Variants in UBR1 observed in about 807,000 individuals in gnomAD.
UBR1 encodes the protein ubiquitin protein ligase E3 component n-recognin 1.
Under a neutral mutation model 242.1 loss-of-function variants are expected in UBR1, and 102 were observed. That is an observed-to-expected ratio of 0.42 (90% CI 0.36 to 0.50). UBR1 has a LOEUF of 0.50. Among genes scored for constraint, UBR1 ranks in the 20% least tolerant of loss-of-function variants. The pLI, the probability that UBR1 is intolerant of heterozygous loss-of-function variation, is 0.01. For missense variants in UBR1, 1,772 were observed against 2,101.8 expected (o/e 0.84, Z 3.07); for synonymous variants, 675 against 684.8 (o/e 0.99, Z 0.22).
At chr15:43,071,399 C>G (rs1348490526) in intron 4 of UBR1, among the ~76,000 whole-genome samples, 1 of 152,128 alleles carries the variant, frequency 6.6e-6, no homozygotes, top group African/African-American at 2.4e-5. Flanking sequence ...TACGAAGTAT[C>G]TAAAGTAGTC....
intron 12 of UBR1, among the ~76,000 whole-genome samples, chr15:43,053,281 T>C (rs2033577679): frequency 6.6e-6 from 1 of 152,152 alleles, no homozygotes; most frequent in African/African-American, 2.4e-5. Flanking sequence ...ACCGTAGAGA[T>C]TAGCTATAGT....
chr15:42,986,457 G>T (rs553367158), intron 35 of UBR1, among the ~76,000 whole-genome samples: 1 of 152,170 alleles, frequency 6.6e-6, no homozygotes, highest in African/African-American at 2.4e-5. Context: ...AATGTTCAAG[G>T]TCTAAATATA....
intron 1 of UBR1, among the ~76,000 whole-genome samples, chr15:43,103,332 C>T (rs972338575): frequency 2.6e-5 from 4 of 152,160 alleles, no homozygotes; most frequent in Non-Finnish European, 5.9e-5. Flanking sequence ...CCACTGCACT[C>T]CAACCTGGGT....
At position 43,028,970 on chromosome 15, in the gene UBR1, A is replaced by G. The variant is rs2033215543; in HGVS notation, c.2379+974T>C. 2.6e-5 allele frequency among the ~76,000 whole-genome samples: 4 copies of G among 152,052 alleles called. No individual in the cohort carries two copies. In the South Asian group the frequency reaches 8.3e-4, roughly 32 times the overall value. On this transcript the variant is annotated intron_variant, in intron 21 of 46. Coordinates refer to ENST00000290650, the MANE Select transcript of UBR1 (RefSeq NM_174916.3). Reference sequence around the variant, plus strand: ...TGTGGTGGCGTGCACCTGTAATCCCAGCTACTCGGGAGGCTGAGGAAAGAG... The same window carrying G: ...TGTGGTGGCGTGCACCTGTAATCCCGGCTACTCGGGAGGCTGAGGAAAGAG...
In UBR1 at chr15:43,043,207, A is replaced by T; in HGVS notation, c.1849+8T>A. On this transcript the variant is annotated splice_region_variant and intron_variant, in intron 15 of 46. Coordinates refer to ENST00000290650, the MANE Select transcript of UBR1 (RefSeq NM_174916.3). The stretch of plus-strand genomic sequence containing the variant: ...AGGTATATGCAAAAAGAAAAAACAA[A>T]CACTCACCAGCAAGGGTCCTAGAGA... 3 of 1,614,064 alleles carry T rather than the reference A, an allele frequency of 1.9e-6. No homozygotes were observed. Among genetic ancestry groups the T allele is most frequent in the Non-Finnish European group, 2.5e-6 (3 of 1,179,978 alleles).
In UBR1 at chr15:43,100,513, A is replaced by C. The variant is rs1206624316; in HGVS notation, c.81+5429T>G. 2.6e-5 allele frequency among the ~76,000 whole-genome samples: 4 copies of C among 152,178 alleles called. No individual in the cohort carries two copies. The East Asian group carries it at 7.7e-4, about 29-fold the overall frequency. Reference sequence around the variant, plus strand: ...GTTATTCATTCATTTAAAAATATTTAAGTGTCTTCTGTATCAATCACATAC... The same window carrying C: ...GTTATTCATTCATTTAAAAATATTTCAGTGTCTTCTGTATCAATCACATAC... On this transcript the variant is annotated intron_variant, in intron 1 of 46. Coordinates refer to ENST00000290650, the MANE Select transcript of UBR1 (RefSeq NM_174916.3).
At chr15:43,048,713 G>C (rs1451739506) in intron 12 of UBR1, among the ~76,000 whole-genome samples, 1 of 152,180 alleles carries the variant, frequency 6.6e-6, no homozygotes, top group Non-Finnish European at 1.5e-5. Context: ...AGCTAAACCT[G>C]ACTTCACACA....
Position 43,058,205 on chromosome 15 carries a change from G to A in UBR1, c.1182+136C>T. 3 of 698,170 alleles carry A rather than the reference G, an allele frequency of 4.3e-6. No individual in the cohort carries two copies. In the South Asian group the frequency reaches 5.8e-5, roughly 13 times the overall value. The allele number at this position is 698,170 out of a possible 1,614,324, so 43.2% of individuals were successfully genotyped here. ...GATTACAGGCGTGAGCCAACCCGCA[G>A]GGCCAAGAACAAACTTTTGACAAAG... On this transcript the variant is annotated intron_variant, in intron 10 of 46. Transcript: ENST00000290650.
chr15:43,099,573 G>A (rs1267410756), intron 1 of UBR1, among the ~76,000 whole-genome samples: 1 of 152,130 alleles, frequency 6.6e-6, no homozygotes, highest in Non-Finnish European at 1.5e-5. Flanking sequence ...TTTATTGTAT[G>A]TAAATTATAT....
Position 42,985,843 on chromosome 15 carries a change from G to C in UBR1, c.3998-901C>G, listed in dbSNP as rs193055168. On this transcript the variant is annotated intron_variant, in intron 35 of 46. Transcript: ENST00000290650. ...GTCTCTACAAAAAACACAAAAATTAGCTGGGCGTGGTGGCACATGCCTATG... is the reference window on the plus strand; with the variant it reads ...GTCTCTACAAAAAACACAAAAATTACCTGGGCGTGGTGGCACATGCCTATG... 3.3e-5 allele frequency among the ~76,000 whole-genome samples: 5 copies of C among 151,918 alleles called. No homozygotes were observed. In the East Asian group the frequency reaches 9.7e-4, roughly 30 times the overall value.
At chr15:43,036,666 C>T in intron 17 of UBR1, 73 bp from the exon 18 acceptor site, 2 of 1,073,852 alleles carry the variant, frequency 1.9e-6, no homozygotes, top group Non-Finnish European at 2.8e-6. Context: ...GAAAACCTAT[C>T]CTTAAAACTT....
chr15:43,000,572 T>A (rs1225420044), intron 32 of UBR1, among the ~76,000 whole-genome samples: 11 of 152,228 alleles, frequency 7.2e-5, no homozygotes, highest in Non-Finnish European at 1.6e-4. Context: ...TGGGTTTGAA[T>A]ATTAGGTCTG....
intron 5 of UBR1, among the ~76,000 whole-genome samples, chr15:43,068,439 G>C (rs1272968149): frequency 6.6e-6 from 1 of 151,934 alleles, no homozygotes; most frequent in Non-Finnish European, 1.5e-5. Flanking sequence ...CGCCTGTTTT[G>C]ACCTCCCAAA....
At chr15:43,094,407 A>T (rs149000305) in intron 1 of UBR1, among the ~76,000 whole-genome samples, 4,526 of 152,016 alleles carry the variant, frequency 0.03, 202 homozygotes, top group African/African-American at 0.099. Flanking sequence ...CCAGCCTGGA[A>T]GACAGAGTGA....
At chr15:42,967,789 T>G (rs1005232737) in intron 40 of UBR1, among the ~76,000 whole-genome samples, 9 of 151,578 alleles carry the variant, frequency 5.9e-5, no homozygotes, top group Admixed American at 5.3e-4. Flanking sequence ...ACAAAATCTA[T>G]TAACTTAAAA....
chr15:42,955,375 G>A (rs1421101948), intron 44 of UBR1, among the ~76,000 whole-genome samples: 1 of 152,130 alleles, frequency 6.6e-6, no homozygotes, highest in Non-Finnish European at 1.5e-5. Context: ...TTACTAAAAC[G>A]TCTGGCTGCT....
In UBR1 at chr15:43,038,187, T is replaced by G; in HGVS notation, c.1895A>C (p.His632Pro). The stretch of plus-strand genomic sequence containing the variant: ...ATCACTTACAAAAGACACAAATTCA[T>G]GCAGTCTTGAAACAGCACCCAGCCT... ...LSRLGAVSRL[H>P]EFVSFEDFQV... The change falls in exon 16 of 47, where the codon CAT (histidine) becomes CCT (proline). Residue 632 changes from histidine (H) to proline (P), a missense_variant. Physicochemically the swap from His to Pro is moderately conservative, Grantham distance 77. Transcript: ENST00000290650. The G allele has an allele frequency of 6.2e-7, 1 of 1,614,056 alleles. No individual in the cohort carries two copies. The highest frequency in any genetic ancestry group is 8.5e-7 in the Non-Finnish European group (1 of 1,179,966).
At chr15:43,096,192 G>C (rs1336014171) in intron 1 of UBR1, among the ~76,000 whole-genome samples, 1 of 140,808 alleles carries the variant, frequency 7.1e-6, no homozygotes. Flanking sequence ...TTTTTTTTCT[G>C]AGACAGAGTC....
chr15:42,966,865 T>C (rs865976103), intron 40 of UBR1, among the ~76,000 whole-genome samples: 74 of 151,982 alleles, frequency 4.9e-4, no homozygotes, highest in African/African-American at 1.7e-3. Flanking sequence ...AACCAAAAAA[T>C]CTACTTTAAA....
Sources: gnomAD v4.1 joint callset for allele counts (sites outside exome capture counted in the v4.1 genomes callset) on GRCh38, gnomAD v4.1.1 for gene constraint, MANE v1.5 for transcripts, NCBI Gene and HGNC (gene_info 2026-07-23, HGNC 2026-07-21) for gene names.